Variants in SYNCRIP observed in about 807,000 individuals in gnomAD.
The protein encoded by SYNCRIP is heterogeneous nuclear ribonucleoprotein Q.
Under a neutral mutation model 68.9 loss-of-function variants are expected in SYNCRIP, and 9 were observed. That is an observed-to-expected ratio of 0.13 (90% confidence interval 0.08 to 0.23). SYNCRIP has a LOEUF of 0.23. SYNCRIP is among the 10% of genes least tolerant of loss of function. The probability of loss-of-function intolerance (pLI) is 1.00; values close to 1 mark genes in which losing one functional copy is unlikely to be tolerated. For synonymous variants in SYNCRIP, 258 were observed against 254.0 expected (o/e 1.02, Z -0.15); for missense variants, 414 against 770.6 (o/e 0.54, Z 5.48).
chr6:85,621,307 G>C (rs1273134883), intron 8 of SYNCRIP, among the ~76,000 whole-genome samples: 1 of 152,178 alleles, frequency 6.6e-6, no homozygotes, highest in Non-Finnish European at 1.5e-5. Context: ...GTAACAAAGA[G>C]GGAATTCTTA....
At chr6:85,623,299 C>T (rs1417066625) in intron 7 of SYNCRIP, among the ~76,000 whole-genome samples, 1 of 151,992 alleles carries the variant, frequency 6.6e-6, no homozygotes, top group Non-Finnish European at 1.5e-5. Flanking sequence ...CACGGTGGCT[C>T]ATACCTGTAA....
intron 6 of SYNCRIP, among the ~76,000 whole-genome samples, chr6:85,634,388 T>C (rs1184068530): frequency 2.0e-5 from 3 of 152,166 alleles, no homozygotes; most frequent in Non-Finnish European, 2.9e-5. Context: ...TAACCTACGA[T>C]GTCAGTTTAA....
At chr6:85,632,748 C>T (rs955804851) in intron 6 of SYNCRIP, among the ~76,000 whole-genome samples, 2 of 151,676 alleles carry the variant, frequency 1.3e-5, no homozygotes, top group African/African-American at 4.8e-5. Context: ...TCAAGACTAG[C>T]CTGGACAACA....
intron 6 of SYNCRIP, among the ~76,000 whole-genome samples, chr6:85,629,404 C>G (rs1387562379): frequency 6.6e-6 from 1 of 151,438 alleles, no homozygotes; most frequent in South Asian, 2.1e-4. Flanking sequence ...TAAAATATCT[C>G]TGAACCTACC....
In SYNCRIP at chr6:85,637,155, A is replaced by G; in HGVS notation, c.490-12T>C. The G allele has an allele frequency of 6.2e-7, 1 of 1,607,914 alleles. No homozygotes were observed. Among genetic ancestry groups the G allele is most frequent in the Non-Finnish European group, 8.5e-7 (1 of 1,177,944 alleles). On this transcript the variant is annotated splice_polypyrimidine_tract_variant and intron_variant, in intron 5 of 10. Transcript: ENST00000369622. ...TTTCCCACAAATATCTGTAAATTAAATATTAAGTAAAAACCATGGAGAATT... is the reference window on the plus strand; with the variant it reads ...TTTCCCACAAATATCTGTAAATTAAGTATTAAGTAAAAACCATGGAGAATT...
Position 85,637,281 on chromosome 6 carries a change from A to C in SYNCRIP, c.451T>G (p.Ser151Ala). Reference protein sequence around the residue: ...QRKYGGPPPDSVYSGQQPSVG... With the variant: ...QRKYGGPPPDAVYSGQQPSVG... ...GAAGGCTGCTGACCTGAATAAACGGAATCTGGAGGTGGTCCTCCATACTTC... is the reference window on the plus strand; with the variant it reads ...GAAGGCTGCTGACCTGAATAAACGGCATCTGGAGGTGGTCCTCCATACTTC... The change falls in exon 5 of 11, where the codon TCC (serine) becomes GCC (alanine). Residue 151 changes from serine to alanine, a missense_variant. By Grantham distance (99) the Ser-to-Ala change is moderately conservative (BLOSUM62 1). Coordinates refer to ENST00000369622, the MANE Select transcript of SYNCRIP (RefSeq NM_006372.5). 4 of 1,614,196 alleles carry C rather than the reference A, an allele frequency of 2.5e-6. No individual in the cohort carries two copies. Among genetic ancestry groups the C allele is most frequent in the Non-Finnish European group, 3.4e-6 (4 of 1,180,032 alleles).
chr6:85,637,187 G>A (rs778009321), intron 5 of SYNCRIP, 44 bp from the exon 6 acceptor site: 6 of 1,606,510 alleles, frequency 3.7e-6, no homozygotes, highest in Non-Finnish European at 5.1e-6. Context: ...AATTGCTTTA[G>A]GAAACCAGAT....
At chr6:85,642,198 C>G (rs1452831752) in intron 1 of SYNCRIP, among the ~76,000 whole-genome samples, 1 of 152,208 alleles carries the variant, frequency 6.6e-6, no homozygotes, top group Non-Finnish European at 1.5e-5. Flanking sequence ...CGCCAGGCCA[C>G]AGGCTCTCCC....
At chr6:85,619,029 G>A in intron 9 of SYNCRIP, 90 bp from the exon 10 acceptor site, 2 of 1,364,274 alleles carry the variant, frequency 1.5e-6, no homozygotes, top group Admixed American at 2.1e-5. Flanking sequence ...CATTAATGTG[G>A]GAAGGACAAG....
At chr6:85,624,178 A>C (rs1806775401) in intron 6 of SYNCRIP, 66 bp from the exon 7 acceptor site, 6 of 1,467,352 alleles carry the variant, frequency 4.1e-6, no homozygotes, top group Non-Finnish European at 4.7e-6. Flanking sequence ...TAATTATAAA[A>C]GATACACAAG....
At position 85,641,461 on chromosome 6, in the gene SYNCRIP, C is replaced by CAT; in HGVS notation, c.-12-11_-12-10insAT. The stretch of plus-strand genomic sequence containing the variant: ...CCATGTTTCCAGAGATCTGTTCAAA[C>CAT]GCAATAAGCAAAATTAAACTAGGAT... On this transcript the variant is annotated splice_polypyrimidine_tract_variant and intron_variant, in intron 1 of 10. Coordinates refer to ENST00000369622, the MANE Select transcript of SYNCRIP (RefSeq NM_006372.5). 1 of 1,598,386 alleles carries CAT rather than the reference C, an allele frequency of 6.3e-7. No homozygotes were observed. Among genetic ancestry groups the CAT allele is most frequent in the Non-Finnish European group, 8.5e-7 (1 of 1,173,520 alleles).
At chr6:85,635,844 A>G (rs986836242) in intron 6 of SYNCRIP, among the ~76,000 whole-genome samples, 7 of 151,520 alleles carry the variant, frequency 4.6e-5, no homozygotes, top group Non-Finnish European at 8.8e-5. Context: ...AGGCTTGCTT[A>G]AAGTGATAAA....
intron 2 of SYNCRIP, 151 bp downstream of exon 2, chr6:85,641,141 C>G (rs761677725): frequency 2.3e-4 from 147 of 647,644 alleles, no homozygotes; most frequent in Non-Finnish European, 3.5e-4. Context: ...ATCTTAACCT[C>G]TACTTCAAAC....
chr6:85,624,774 G>A (rs930154811), intron 6 of SYNCRIP, among the ~76,000 whole-genome samples: 19 of 152,168 alleles, frequency 1.2e-4, no homozygotes, highest in Admixed American at 1.2e-3. Flanking sequence ...AAAGCAACAT[G>A]TCAAAGTGAC....
At chr6:85,610,656 A>G (rs916544678), downstream of SYNCRIP, 1 of 152,056 alleles carries the variant, frequency 6.6e-6, no homozygotes, top group Non-Finnish European at 1.5e-5. Flanking sequence ...GTGTCCCTTA[A>G]AAATGCTATG....
intron 10 of SYNCRIP, among the ~76,000 whole-genome samples, chr6:85,617,087 A>C (rs750010322): frequency 6.6e-6 from 1 of 152,112 alleles, no homozygotes; most frequent in Non-Finnish European, 1.5e-5. Flanking sequence ...AATGACCCCA[A>C]GGAAGTTGAC....
intron 9 of SYNCRIP, 150 bp from the exon 10 acceptor site, chr6:85,619,089 T>G: frequency 8.5e-7 from 1 of 1,176,596 alleles, no homozygotes; most frequent in Non-Finnish European, 1.2e-6. Flanking sequence ...GATGCAGATA[T>G]TCAATTATTT....
chr6:85,637,447 CA>C, intron 4 of SYNCRIP, 91 bp from the exon 5 acceptor site: 1 of 837,352 alleles, frequency 1.2e-6, no homozygotes, highest in Non-Finnish European at 1.9e-6. Context: ...CAAATCTTTC[CA>C]ATTATCTTGG....
intron 10 of SYNCRIP, 73 bp downstream of exon 10, chr6:85,618,742 TCAA>T (rs1193242015): frequency 7.7e-7 from 1 of 1,294,722 alleles, no homozygotes; most frequent in African/African-American, 1.5e-5. Context: ...ACAAGTCTGA[TCAA>T]CACCTGTTAT....
Sources: allele counts gnomAD v4.1 joint callset (sites outside exome capture counted in the v4.1 genomes callset), GRCh38; gene constraint gnomAD v4.1.1; transcripts MANE v1.5; gene names NCBI Gene and HGNC (gene_info 2026-07-23, HGNC 2026-07-21).